The following PLCB4 variants were observed in gnomAD, a reference collection of about 807,000 sequenced individuals.
The protein encoded by PLCB4 is phospholipase C beta 4, also known as 1-phosphatidylinositol 4,5-bisphosphate phosphodiesterase beta-4.
PLCB4 carries 77 observed loss-of-function variants against 178.8 expected under a neutral mutation model. That is an observed-to-expected ratio of 0.43 (90% CI 0.36 to 0.52). The LOEUF (loss-of-function observed/expected upper bound fraction) is 0.52, where lower values mean the gene tolerates loss of function less well. PLCB4 is among the 20% of genes least tolerant of loss of function. The pLI, the probability that PLCB4 is intolerant of heterozygous loss-of-function variation, is 0.00. For synonymous variants in PLCB4, 496 were observed against 490.8 expected (o/e 1.01, Z -0.14); for missense variants, 1,024 against 1,453.4 (o/e 0.70, Z 4.80).
chr20:9,243,987 G>A (rs1332858210), intron 3 of PLCB4, among the ~76,000 whole-genome samples: 1 of 152,084 alleles, frequency 6.6e-6, no homozygotes, highest in Non-Finnish European at 1.5e-5. Context: ...GTATATCCTG[G>A]ACATTCAGAG....
At chr20:9,338,205 T>C in intron 6 of PLCB4, 138 bp downstream of exon 6, 2 of 640,942 alleles carry the variant, frequency 3.1e-6, no homozygotes, top group Non-Finnish European at 2.9e-6. Flanking sequence ...GAATAGCATG[T>C]GGTTGCTGGT....
intron 2 of PLCB4, among the ~76,000 whole-genome samples, chr20:9,215,038 T>C (rs1248300114): frequency 1.3e-5 from 2 of 152,126 alleles, no homozygotes; most frequent in East Asian, 1.9e-4. Flanking sequence ...TATGGCAGGA[T>C]CATTAATCAA....
At chr20:9,070,520 A>G (rs554092248) in intron 1 of PLCB4, among the ~76,000 whole-genome samples, 1 of 152,250 alleles carries the variant, frequency 6.6e-6, no homozygotes, top group South Asian at 2.1e-4. Flanking sequence ...TGTAATCCAG[A>G]ATGCTGTTTT....
chr20:9,406,072 C>T (rs983977071), intron 21 of PLCB4, among the ~76,000 whole-genome samples: 2 of 152,260 alleles, frequency 1.3e-5, no homozygotes, highest in Admixed American at 1.3e-4. Flanking sequence ...CTCTCTTGTT[C>T]TAGAATTTCA....
chr20:9,427,918 A>C (rs147456064), intron 28 of PLCB4, among the ~76,000 whole-genome samples: 1 of 152,246 alleles, frequency 6.6e-6, no homozygotes, highest in Non-Finnish European at 1.5e-5. Context: ...AGTGCTGATC[A>C]TTACTTCTGC....
intron 2 of PLCB4, among the ~76,000 whole-genome samples, chr20:9,161,711 A>C (rs1286983580): frequency 6.6e-6 from 1 of 152,202 alleles, no homozygotes. Context: ...TTTTTCTTGG[A>C]GTAGAATAAA....
chr20:9,232,109 C>T (rs2093939478), intron 3 of PLCB4, among the ~76,000 whole-genome samples: 2 of 152,072 alleles, frequency 1.3e-5, no homozygotes, highest in South Asian at 4.1e-4. Flanking sequence ...CAGATCTAAT[C>T]CATAGTGATA....
rs16995666 is a variant in PLCB4, at chr20:9,225,121, A to G, written c.-16+7669A>G. ...GAATGAAGGGCTAGATATTCAAAAA[A>G]GCTAGTAGCATAAAGTGTTCATTGT... On this transcript the variant is annotated intron_variant, in intron 3 of 39. Transcript: ENST00000378473. Among the ~76,000 whole-genome samples the G allele has an allele frequency of 1.4e-3, 217 of 152,330 alleles. 4 individuals are homozygous for G. In the East Asian group the frequency reaches 0.034, roughly 24 times the overall value.
intron 3 of PLCB4, among the ~76,000 whole-genome samples, chr20:9,228,735 C>T (rs534180177): frequency 1.3e-4 from 20 of 152,132 alleles, no homozygotes; most frequent in Non-Finnish European, 2.4e-4. Context: ...GAGTGAAACA[C>T]TTCAGTAACT....
intron 1 of PLCB4, among the ~76,000 whole-genome samples, chr20:9,089,288 A>G (rs1443018931): frequency 6.6e-6 from 1 of 152,030 alleles, no homozygotes; most frequent in Non-Finnish European, 1.5e-5. Context: ...GCTTTATCCT[A>G]ATTAAAAGGA....
intron 2 of PLCB4, among the ~76,000 whole-genome samples, chr20:9,143,965 C>A (rs1035229095): frequency 1.3e-5 from 2 of 152,036 alleles, no homozygotes; most frequent in Non-Finnish European, 2.9e-5. Flanking sequence ...AGGGACTTAA[C>A]TTTGTTGGAG....
chr20:9,144,445 T>C (rs922401338), intron 2 of PLCB4, among the ~76,000 whole-genome samples: 3 of 151,696 alleles, frequency 2.0e-5, no homozygotes, highest in Non-Finnish European at 2.9e-5. Context: ...AAACAATCCA[T>C]AGAAAATTGT....
At chr20:9,147,622 A>C (rs2092621637) in intron 2 of PLCB4, among the ~76,000 whole-genome samples, 1 of 152,100 alleles carries the variant, frequency 6.6e-6, no homozygotes, top group South Asian at 2.1e-4. Context: ...ATGCTAGATC[A>C]GGGTGACTCA....
At chr20:9,322,117 A>ATTTT (rs749496709) in intron 4 of PLCB4, among the ~76,000 whole-genome samples, 77 of 116,578 alleles carry the variant, frequency 6.6e-4, no homozygotes, top group African/African-American at 1.5e-3. Context: ...CACCCAGGTA[A>ATTTT]TTTTTTTTTT....
At position 9,421,478 on chromosome 20, in the gene PLCB4, A is replaced by G. The variant is rs776146731; in HGVS notation, c.2319+17A>G. 3 of 1,605,278 alleles carry G rather than the reference A, an allele frequency of 1.9e-6. No individual in the cohort carries two copies. In the South Asian group the frequency reaches 3.3e-5, roughly 18 times the overall value. Reference sequence around the variant, plus strand: ...TTTCGGAAGGTAGGACATTTTCAGCACGTCAAACTTACTCTAATAACTTGG... The same window carrying G: ...TTTCGGAAGGTAGGACATTTTCAGCGCGTCAAACTTACTCTAATAACTTGG... On this transcript the variant is annotated intron_variant, in intron 27 of 39. Transcript: ENST00000378473.
rs2036173522 is a variant in PLCB4, at chr20:9,370,669, A to T, written c.504-545A>T. The stretch of plus-strand genomic sequence containing the variant: ...ATGCCTGTAATCCTAGCACTTTGGG[A>T]GGCCGAGGTGGGTGGATCACCTGAG... On this transcript the variant is annotated intron_variant, in intron 9 of 39. Transcript: ENST00000378473. 2.0e-5 allele frequency among the ~76,000 whole-genome samples: 3 copies of T among 152,084 alleles called. No homozygotes were observed. The South Asian group carries it at 6.2e-4, about 32-fold the overall frequency.
chr20:9,255,552 T>C (rs926385477), intron 3 of PLCB4, among the ~76,000 whole-genome samples: 7 of 149,880 alleles, frequency 4.7e-5, no homozygotes, highest in Admixed American at 4.7e-4. Context: ...AAGTTTAGCA[T>C]AAATTTAATG....
intron 2 of PLCB4, among the ~76,000 whole-genome samples, chr20:9,164,591 T>C (rs2092940548): frequency 6.6e-6 from 1 of 152,208 alleles, no homozygotes; most frequent in East Asian, 1.9e-4. Flanking sequence ...ATTAGAAGCA[T>C]TAGAAGAGTA....
chr20:9,338,181 G>T (rs2032727370), intron 6 of PLCB4, 114 bp downstream of exon 6: 2 of 709,008 alleles, frequency 2.8e-6, no homozygotes, highest in East Asian at 2.7e-5. Context: ...TAAAACATTT[G>T]ATCTCAGTTT....
Sources: allele counts gnomAD v4.1 joint callset (sites outside exome capture counted in the v4.1 genomes callset), GRCh38; gene constraint gnomAD v4.1.1; transcripts MANE v1.5; gene names NCBI Gene and HGNC (gene_info 2026-07-23, HGNC 2026-07-21).